The following AIFM3 variants were observed in gnomAD, a reference collection of about 807,000 sequenced individuals.
The protein encoded by AIFM3 is apoptosis-inducing factor 3.
AIFM3 carries 71 observed loss-of-function variants against 82.7 expected under a neutral mutation model. That is an observed-to-expected ratio of 0.86 (90% confidence interval 0.71 to 1.05). The LOEUF (loss-of-function observed/expected upper bound fraction) is 1.05. Among genes scored for constraint, AIFM3 ranks in the 50% least tolerant of loss-of-function variants. The probability of loss-of-function intolerance (pLI) is 0.00; values close to 1 mark genes in which losing one functional copy is unlikely to be tolerated. For missense variants in AIFM3, 748 were observed against 816.7 expected, an observed-to-expected ratio of 0.92 and a Z score of 1.03; for synonymous variants, 337 against 329.1, an observed-to-expected ratio of 1.02 and a Z score of -0.26.
intron 2 of AIFM3, among the ~76,000 whole-genome samples, chr22:20,968,712 A>G (rs1300570614): frequency 6.6e-6 from 1 of 152,000 alleles, no homozygotes; most frequent in Non-Finnish European, 1.5e-5. Context: ...AGGAGTGTGC[A>G]GCTTTGTCAC....
chr22:20,965,761 G>T (rs1412733058), upstream of AIFM3, among the ~76,000 whole-genome samples: 1 of 152,088 alleles, frequency 6.6e-6, no homozygotes, highest in African/African-American at 2.4e-5. Context: ...ACCCTGCCCA[G>T]CCTGCACCCT....
Position 20,976,321 on chromosome 22 carries a change from T to C in AIFM3, c.899+15T>C, listed in dbSNP as rs376395658. ...CCAGGGAGCAGGTGGGAGGGTCTCC[T>C]TTTTACCCATCGGACACTAGGCAGG... On this transcript the variant is annotated intron_variant, in intron 10 of 20. Transcript: ENST00000440238. The C allele has an allele frequency of 9.9e-5, 159 of 1,613,598 alleles. No individual in the cohort carries two copies. The highest frequency in any genetic ancestry group is 1.3e-4 in the Non-Finnish European group (152 of 1,179,982).
upstream of AIFM3, chr22:20,966,885 T>G (rs1922920745): frequency 6.6e-6 from 1 of 152,608 alleles, no homozygotes; most frequent in Non-Finnish European, 1.5e-5. Flanking sequence ...GGGATGCCCC[T>G]GCTGCTTGAC....
chr22:20,973,604 G>T (rs775070746), intron 3 of AIFM3, 84 bp downstream of exon 3: 33 of 1,402,516 alleles, frequency 2.4e-5, no homozygotes, highest in Non-Finnish European at 3.0e-5. Flanking sequence ...GTCGGGGTTG[G>T]CCTGAAGGGG....
At position 20,980,052 on chromosome 22, in the gene AIFM3, A is replaced by G. The variant is rs368864004; in HGVS notation, c.1685A>G (p.Asn562Ser). 6.2e-7 allele frequency: 1 copy of G among 1,611,562 alleles called. No homozygotes were observed. The highest frequency in any genetic ancestry group is 8.5e-7 in the Non-Finnish European group (1 of 1,179,992). ...GAGGTGATCGCCGTGGCCAGCATGA[A>G]CTACGATCCCATTGTGTCCAAGGTC... ...GDEVIAVASMNYDPIVSKVAE... is the reference protein window; with the variant it reads ...GDEVIAVASMSYDPIVSKVAE... The change falls in exon 19 of 21, where the codon AAC becomes AGC. Residue 562 changes from asparagine (N) to serine (S), a missense_variant. By Grantham distance (46) the Asn-to-Ser change is conservative. Transcript: ENST00000440238.
At chr22:20,969,966 T>C (rs969134812) in intron 2 of AIFM3, among the ~76,000 whole-genome samples, 2 of 152,198 alleles carry the variant, frequency 1.3e-5, no homozygotes, top group Non-Finnish European at 2.9e-5. Context: ...TCCGTGTGCA[T>C]CAGCACCTGC....
intron 2 of AIFM3, among the ~76,000 whole-genome samples, chr22:20,969,996 C>T (rs1248154917): frequency 1.3e-5 from 2 of 152,220 alleles, no homozygotes; most frequent in African/African-American, 4.8e-5. Context: ...TCCCTCTGTG[C>T]TCCTGTGTGT....
intron 14 of AIFM3, chr22:20,977,346 G>A (rs949074189): frequency 1.8e-5 from 11 of 611,886 alleles, no homozygotes; most frequent in African/African-American, 1.5e-4. Flanking sequence ...CCCTGCGAGA[G>A]TTGACATAGA....
At chr22:20,979,849 G>T (rs1923969865) in intron 18 of AIFM3, 147 bp downstream of exon 18, 25 of 1,209,086 alleles carry the variant, frequency 2.1e-5, no homozygotes, top group Admixed American at 2.2e-5. Context: ...CCCGAAGCTT[G>T]TGCACGGTCA....
chr22:20,977,215 TG>T (rs67757517), intron 14 of AIFM3, 120 bp downstream of exon 14: 5 of 1,371,396 alleles, frequency 3.6e-6, no homozygotes, highest in Non-Finnish European at 4.0e-6. Context: ...ATCTGTCAAA[TG>T]GGAACCCCCA....
chr22:20,973,021 T>C (rs1923366439), intron 2 of AIFM3, among the ~76,000 whole-genome samples: 2 of 148,222 alleles, frequency 1.3e-5, no homozygotes, highest in African/African-American at 4.9e-5. Context: ...CACTACAGCT[T>C]GGGCGACAGA....
intron 2 of AIFM3, among the ~76,000 whole-genome samples, chr22:20,972,421 A>G (rs1923328333): frequency 1.3e-5 from 2 of 151,074 alleles, no homozygotes; most frequent in Admixed American, 1.3e-4. Context: ...AAAAAAAAGA[A>G]GAAGTTGAAA....
intron 9 of AIFM3, 70 bp from the exon 10 acceptor site, chr22:20,976,145 A>G: frequency 2.6e-6 from 4 of 1,532,622 alleles, no homozygotes; most frequent in Non-Finnish European, 3.6e-6. Flanking sequence ...GGTGTACTGC[A>G]GGACCGGGGA....
At chr22:20,979,436 G>A (rs1284996326) in intron 17 of AIFM3, 67 bp downstream of exon 17, 1 of 1,476,002 alleles carries the variant, frequency 6.8e-7, no homozygotes, top group Admixed American at 2.0e-5. Context: ...GGTGTGGGGC[G>A]GGGCTGGGAG....
Position 20,980,115 on chromosome 22 carries a change from G to T in AIFM3, c.1748G>T (p.Arg583Leu). 6.2e-7 allele frequency: 1 copy of T among 1,607,500 alleles called. No individual in the cohort carries two copies. The highest frequency in any genetic ancestry group is 8.5e-7 in the Non-Finnish European group (1 of 1,179,950). Residue 583 changes from arginine to leucine, a missense_variant, in exon 19 of 21, where the codon CGG (arginine) becomes CTG (leucine). Physicochemically the swap from Arg to Leu is moderately radical, Grantham distance 102 (BLOSUM62 -2). Around this residue, in one of 5 missense-constraint regions of AIFM3, gnomAD observed 183 missense variants for 158.2 expected, o/e 1.16. Coordinates refer to ENST00000440238, the MANE Select transcript of AIFM3 (RefSeq NM_001386814.1). The stretch of plus-strand genomic sequence containing the variant: ...GCCTCAGGCCGTGCCATCCGGAAGC[G>T]GGAGGTGGAGTGAGTGTGGGTGTGG... The part of the protein sequence containing the change: ...VLASGRAIRK[R>L]EVELFVLHSK...
chr22:20,979,501 G>T (rs1923940095), intron 17 of AIFM3, 126 bp from the exon 18 acceptor site: 4 of 1,480,958 alleles, frequency 2.7e-6, no homozygotes, highest in African/African-American at 2.8e-5. Context: ...ACTCGCTGGC[G>T]GCAAGGCTAC....
chr22:20,974,916 C>A, intron 8 of AIFM3, 100 bp downstream of exon 8: 1 of 1,177,132 alleles, frequency 8.5e-7, no homozygotes, highest in Non-Finnish European at 1.2e-6. Context: ...GCCGGCTGCC[C>A]TCCCTGCTTA....
At chr22:20,980,166 C>G (rs766365952) in intron 19 of AIFM3, 42 bp downstream of exon 19, 1 of 1,575,020 alleles carries the variant, frequency 6.3e-7, no homozygotes. Flanking sequence ...GAGTAGTTCC[C>G]TGGAGTACTG....
chr22:20,979,200 G>C, intron 16 of AIFM3, 71 bp from the exon 17 acceptor site: 4 of 1,493,408 alleles, frequency 2.7e-6, no homozygotes, highest in East Asian at 4.9e-5. Context: ...GGGTCCCCAG[G>C]GCATCAGGAG....
Sources: allele counts gnomAD v4.1 joint callset (sites outside exome capture counted in the v4.1 genomes callset), GRCh38; gene constraint gnomAD v4.1.1; regional missense constraint gnomAD v4.1.1; transcripts MANE v1.5; gene names NCBI Gene and HGNC (gene_info 2026-07-23, HGNC 2026-07-21).